The following TRIP13 variants were observed in gnomAD, a reference collection of about 807,000 sequenced individuals.
TRIP13 encodes the protein pachytene checkpoint protein 2 homolog.
TRIP13 carries 25 observed loss-of-function variants against 54.4 expected under a neutral mutation model. The ratio of observed to expected loss-of-function variants is 0.46; its 90% CI spans 0.33 to 0.64. The LOEUF (loss-of-function observed/expected upper bound fraction) is 0.64, where lower values mean the gene tolerates loss of function less well. Ranked by LOEUF, TRIP13 falls within the 30% of genes least tolerant of loss-of-function variation. The probability of loss-of-function intolerance (pLI) is 0.02; values close to 1 mark genes in which losing one functional copy is unlikely to be tolerated. For synonymous variants in TRIP13, 207 were observed against 207.8 expected (o/e 1.00, Z 0.03); for missense variants, 373 against 534.2 (o/e 0.70, Z 2.97).
chr5:911,054 C>T lies in TRIP13; in HGVS notation c.867-789C>T, dbSNP rs1040686428. On this transcript the variant is annotated intron_variant, in intron 9 of 12. Transcript: ENST00000166345. The surrounding 1 kb of genome is among the most constrained non-coding windows in gnomAD (Gnocchi z 4.7). ...ATGCTCCCTGGGGGCACCTTGTGCCCGCTCTGCTGGCTCATGCTGGGTCCT... is the reference window on the plus strand; with the variant it reads ...ATGCTCCCTGGGGGCACCTTGTGCCTGCTCTGCTGGCTCATGCTGGGTCCT... 7.2e-5 allele frequency among the ~76,000 whole-genome samples: 11 copies of T among 152,242 alleles called. No homozygotes were observed. The highest frequency in any genetic ancestry group is 3.8e-4 in the East Asian group (2 of 5,196).
At chr5:896,002 A>T (rs1007393824) in intron 2 of TRIP13, among the ~76,000 whole-genome samples, 3 of 152,140 alleles carry the variant, frequency 2.0e-5, no homozygotes, top group African/African-American at 7.3e-5. Flanking sequence ...TGAGTTAATA[A>T]CAAATGTAAA....
Position 908,727 on chromosome 5 carries a change from G to A in TRIP13, c.866+266G>A, listed in dbSNP as rs960522533. The A allele has an allele frequency of 3.6e-6, 4 of 1,113,456 alleles. No individual in the cohort carries two copies. Among genetic ancestry groups the A allele is most frequent in the Non-Finnish European group, 4.6e-6 (4 of 869,504 alleles). 69.0% of individuals were successfully genotyped at this position (1,113,456 alleles called of 1,614,324 possible). On this transcript the variant is annotated intron_variant, in intron 9 of 12. Transcript: ENST00000166345. The surrounding 1 kb of genome is among the most constrained non-coding windows in gnomAD (Gnocchi z 5.2). ...TAATCCCAGCACTTTGGGAGGCCGA[G>A]GCAGGCGGATCACAAGGTCAGTAGA...
intron 1 of TRIP13, among the ~76,000 whole-genome samples, chr5:894,478 A>G (rs1301066549): frequency 6.6e-6 from 1 of 152,230 alleles, no homozygotes; most frequent in African/African-American, 2.4e-5. Context: ...CGTGCTTACT[A>G]TGTGCCAGGT....
chr5:914,038 C>T lies in TRIP13; in HGVS notation c.1021-427C>T, dbSNP rs1223043948. ...AAGCCTCACCTTTAAAACAGACAAA[C>T]TAGGATCCTGCTTTGGAAGTCAGTG... On this transcript the variant is annotated intron_variant, in intron 10 of 12. Coordinates refer to ENST00000166345, the MANE Select transcript of TRIP13 (RefSeq NM_004237.4). 2.0e-5 allele frequency among the ~76,000 whole-genome samples: 3 copies of T among 152,232 alleles called. No homozygotes were observed. The South Asian group carries it at 6.2e-4, about 32-fold the overall frequency.
chr5:916,052 TG>T (rs1394199518), intron 12 of TRIP13, 79 bp downstream of exon 12: 25 of 1,404,526 alleles, frequency 1.8e-5, no homozygotes, highest in Non-Finnish European at 2.5e-5. Flanking sequence ...TTAGTAGCCC[TG>T]GGGTATCAGC....
chr5:903,157 T>TTAAAC (rs1754032285), intron 5 of TRIP13, among the ~76,000 whole-genome samples: 3 of 151,958 alleles, frequency 2.0e-5, no homozygotes, highest in African/African-American at 7.3e-5. Context: ...GAGACTCCCT[T>TTAAAC]TCCCGGTCTG....
chr5:918,364 C>G (rs973936794), downstream of TRIP13, among the ~76,000 whole-genome samples: 2 of 152,156 alleles, frequency 1.3e-5, no homozygotes, highest in Non-Finnish European at 2.9e-5. The surrounding 1 kb of genome is among the most constrained non-coding windows in gnomAD (Gnocchi z 4.3). Context: ...TGGGCCCAGT[C>G]CATGCATGTC....
Position 892,995 on chromosome 5 carries a change from C to T in TRIP13, c.-4C>T, listed in dbSNP as rs1416858601. 4 of 1,548,372 alleles carry T rather than the reference C, an allele frequency of 2.6e-6. No individual in the cohort carries two copies. Among genetic ancestry groups the T allele is most frequent in the Non-Finnish European group, 2.6e-6 (3 of 1,151,220 alleles). ...GTTGGGTCCCCACTGCTCTCGGGGGCGCCATGGACGAGGCCGTGGGCGACC... is the reference window on the plus strand; with the variant it reads ...GTTGGGTCCCCACTGCTCTCGGGGGTGCCATGGACGAGGCCGTGGGCGACC... On this transcript the variant is annotated 5_prime_UTR_variant, in exon 1 of 13. Coordinates refer to ENST00000166345, the MANE Select transcript of TRIP13 (RefSeq NM_004237.4).
intron 6 of TRIP13, among the ~76,000 whole-genome samples, chr5:906,119 G>A (rs1412048328): frequency 1.3e-5 from 2 of 152,114 alleles, no homozygotes; most frequent in African/African-American, 2.4e-5. Flanking sequence ...GGCTGAGGTG[G>A]GAGGATCACC....
At chr5:905,036 A>G (rs1371315344) in intron 6 of TRIP13, among the ~76,000 whole-genome samples, 2 of 152,132 alleles carry the variant, frequency 1.3e-5, no homozygotes, top group East Asian at 3.9e-4. Flanking sequence ...GCTGCTGAAC[A>G]TTGTGATCTG....
chr5:901,100 T>A (rs977260901), intron 4 of TRIP13, among the ~76,000 whole-genome samples: 4 of 152,228 alleles, frequency 2.6e-5, no homozygotes. Context: ...TAAATAAAAG[T>A]GATCATTTTG....
In TRIP13 at chr5:896,562, G is replaced by A. The variant is rs1013669725; in HGVS notation, c.259-103G>A. On this transcript the variant is annotated intron_variant, in intron 2 of 12. Transcript: ENST00000166345. ...TCTGAGAACTAGCTTTGATTATACT[G>A]TACATTCAGTTTTTATTTGTAGACC... is the stretch of plus-strand genomic sequence containing the variant. The A allele has an allele frequency of 7.9e-6, 10 of 1,271,724 alleles. No homozygotes were observed. In the African/African-American group the frequency reaches 8.8e-5, roughly 11 times the overall value. 78.8% of individuals were successfully genotyped at this position (1,271,724 alleles called of 1,614,324 possible). A position where few individuals can be genotyped will look rare whatever the true frequency, so the allele number is the denominator to read the frequency against.
intron 11 of TRIP13, 145 bp downstream of exon 11, chr5:914,722 T>C (rs1754309063): frequency 6.7e-6 from 2 of 296,726 alleles, no homozygotes; most frequent in Non-Finnish European, 1.4e-5. Flanking sequence ...TGTACACACG[T>C]GTGTGTGTGT....
At chr5:903,442 T>C (rs1013239532) in intron 5 of TRIP13, among the ~76,000 whole-genome samples, 1 of 152,184 alleles carries the variant, frequency 6.6e-6, no homozygotes, top group Admixed American at 6.5e-5. Context: ...TGCTACAAAT[T>C]AATGATTAAT....
intron 6 of TRIP13, among the ~76,000 whole-genome samples, chr5:904,566 C>G (rs1203703809): frequency 6.6e-6 from 1 of 152,126 alleles, no homozygotes; most frequent in African/African-American, 2.4e-5. Context: ...TGGAAAATAC[C>G]TGGTCATTGT....
intron 4 of TRIP13, among the ~76,000 whole-genome samples, chr5:901,058 C>A (rs1243745849): frequency 2.0e-5 from 3 of 152,148 alleles, no homozygotes; most frequent in Non-Finnish European, 4.4e-5. Flanking sequence ...GATAAACAAA[C>A]CCCTTAGTGG....
Position 912,082 on chromosome 5 carries a change from C to A in TRIP13, c.1020+86C>A. ...TAAGATAGCTTAAAATAAGCTCGTT[C>A]CAGTACGGAGGATTTCAACATATGC... On this transcript the variant is annotated intron_variant, in intron 10 of 12. Coordinates refer to ENST00000166345, the MANE Select transcript of TRIP13 (RefSeq NM_004237.4). The surrounding 1 kb of genome is among the most constrained non-coding windows in gnomAD (Gnocchi z 7.2). The A allele has an allele frequency of 3.4e-6, 5 of 1,487,026 alleles. No homozygotes were observed. The highest frequency in any genetic ancestry group is 2.1e-5 in the Admixed American group (1 of 46,652). The allele number at this position is 1,487,026 out of a possible 1,614,324, so 92.1% of individuals were successfully genotyped here.
chr5:896,755 G>C lies in TRIP13; in HGVS notation c.349G>C (p.Glu117Gln). The change falls in exon 3 of 13, where the codon GAA becomes CAA. Residue 117 changes from glutamate to glutamine, a missense_variant. Glu to Gln is a conservative substitution (Grantham distance 29). This residue lies in a region of TRIP13 where 151 missense variants were observed against 151.9 expected (regional missense o/e 0.99). Transcript: ENST00000166345. ...CAGTGAAAATCTGGAGGAAGAGACA[G>C]AAAACATAATTGCAGCAAATCACTG... ...PSSENLEEET[E>Q]NIIAANHWVL... The C allele has an allele frequency of 6.2e-7, 1 of 1,613,884 alleles. No homozygotes were observed. The highest frequency in any genetic ancestry group is 8.5e-7 in the Non-Finnish European group (1 of 1,179,856).
intron 5 of TRIP13, among the ~76,000 whole-genome samples, chr5:902,199 T>G (rs1156559129): frequency 6.6e-6 from 1 of 152,200 alleles, no homozygotes; most frequent in East Asian, 1.9e-4. Context: ...GGTTTTGTTT[T>G]GTTTTGTTGT....
Sources: allele counts gnomAD v4.1 joint callset (sites outside exome capture counted in the v4.1 genomes callset), GRCh38; gene constraint gnomAD v4.1.1; regional missense constraint gnomAD v4.1.1; non-coding constraint Gnocchi (gnomAD v3.1); transcripts MANE v1.5; gene names NCBI Gene and HGNC (gene_info 2026-07-23, HGNC 2026-07-21).